GSG1L: variants seen among roughly 807,000 people sequenced by gnomAD.
GSG1L encodes GSG1 like, also known as germ cell-specific gene 1-like protein.
GSG1L carries 24 observed loss-of-function variants against 42.1 expected under a neutral mutation model. The observed-to-expected ratio is 0.57, with a 90% CI of 0.41 to 0.80. GSG1L has a LOEUF of 0.80. GSG1L is among the 30% of genes least tolerant of loss of function. The probability of loss-of-function intolerance (pLI) is 0.00; values close to 1 mark genes in which losing one functional copy is unlikely to be tolerated. For synonymous variants in GSG1L, 215 were observed against 203.5 expected, an observed-to-expected ratio of 1.06 and a Z score of -0.48; for missense variants, 445 against 472.2, an observed-to-expected ratio of 0.94 and a Z score of 0.53.
intron 1 of GSG1L, among the ~76,000 whole-genome samples, chr16:28,038,839 G>A (rs1375052925): frequency 2.6e-5 from 4 of 152,040 alleles, no homozygotes; most frequent in South Asian, 2.1e-4. Context: ...TAATGATCCC[G>A]CTGCACATTT....
In GSG1L at chr16:27,791,368, G is replaced by T; in HGVS notation, c.*2C>A. 1 of 1,412,662 alleles carries T rather than the reference G, an allele frequency of 7.1e-7. No homozygotes were observed. The highest frequency in any genetic ancestry group is 9.3e-7 in the Non-Finnish European group (1 of 1,073,638). The allele number at this position is 1,412,662 out of a possible 1,614,324, so 87.5% of individuals were successfully genotyped here. On this transcript the variant is annotated 3_prime_UTR_variant, in exon 7 of 7. Coordinates refer to ENST00000447459, the MANE Select transcript of GSG1L (RefSeq NM_001109763.2). ...GGTCCGCGGGCCAGGTTGAGGTCTT[G>T]GTCACACCCAGTGCCCCAAGACCCA...
At chr16:28,055,539 T>G (rs919723376) in intron 1 of GSG1L, among the ~76,000 whole-genome samples, 1 of 151,822 alleles carries the variant, frequency 6.6e-6, no homozygotes, top group African/African-American at 2.4e-5. Flanking sequence ...TGGCACGATC[T>G]CAGCTCACTG....
intron 2 of GSG1L, among the ~76,000 whole-genome samples, chr16:27,929,628 G>C (rs1392488264): frequency 3.9e-5 from 6 of 152,172 alleles, no homozygotes; most frequent in Non-Finnish European, 8.8e-5. Flanking sequence ...ATGCCTGAAG[G>C]ATGATTTCAG....
intron 3 of GSG1L, among the ~76,000 whole-genome samples, chr16:27,883,620 T>C (rs1384754094): frequency 6.6e-6 from 1 of 152,212 alleles, no homozygotes; most frequent in African/African-American, 2.4e-5. Context: ...TTCCAATGCG[T>C]GAAGAATAGG....
intron 3 of GSG1L, among the ~76,000 whole-genome samples, chr16:27,852,018 C>T (rs2083520354): frequency 6.6e-6 from 1 of 152,202 alleles, no homozygotes; most frequent in South Asian, 2.1e-4. Flanking sequence ...GGCCTGGCTC[C>T]CTTTGACAGG....
At chr16:27,844,318 T>C (rs772958) in intron 4 of GSG1L, among the ~76,000 whole-genome samples, 50,770 of 151,978 alleles carry the variant, frequency 0.33, 8,771 homozygotes, top group East Asian at 0.45. Context: ...ATGCAAACCC[T>C]GCTTTGAGGT....
chr16:28,051,724 G>T (rs1040244799), intron 1 of GSG1L, among the ~76,000 whole-genome samples: 1 of 152,178 alleles, frequency 6.6e-6, no homozygotes, highest in African/African-American at 2.4e-5. Flanking sequence ...AGGACAGTGG[G>T]GCTGCAGCAT....
At chr16:27,910,232 G>T (rs759368623) in intron 2 of GSG1L, among the ~76,000 whole-genome samples, 1 of 151,452 alleles carries the variant, frequency 6.6e-6, no homozygotes, top group Non-Finnish European at 1.5e-5. Flanking sequence ...CAAAGTGCAG[G>T]ATTACAGGCA....
chr16:28,033,865 A>C (rs537344688), intron 1 of GSG1L, among the ~76,000 whole-genome samples: 12 of 152,360 alleles, frequency 7.9e-5, no homozygotes, highest in African/African-American at 2.6e-4. Context: ...GAGTATATTA[A>C]GAAGAGAAAA....
intron 2 of GSG1L, among the ~76,000 whole-genome samples, chr16:27,887,041 C>A (rs1164789159): frequency 6.6e-6 from 1 of 152,106 alleles, no homozygotes; most frequent in Non-Finnish European, 1.5e-5. Context: ...CAGCAACCTC[C>A]ACCTCCTGGA....
chr16:27,846,956 C>CAAA lies in GSG1L; in HGVS notation c.551-1898_551-1896dup, dbSNP rs5816450. 3.6e-3 allele frequency among the ~76,000 whole-genome samples: 405 copies of CAAA among 113,414 alleles called. 7 individuals carry two copies. The highest frequency in any genetic ancestry group is 0.023 in the East Asian group (86 of 3,778). 74.4% of individuals were successfully genotyped at this position (113,414 alleles called of 152,430 possible). A position where few individuals can be genotyped will look rare whatever the true frequency, so the allele number is the denominator to read the frequency against. ...TGGGTGACAGAGGGAGACTCCGTCT[C>CAAA]AAAAAAAAAAAAAAAAAAATCTGAA... is the stretch of plus-strand genomic sequence containing the variant. On this transcript the variant is annotated intron_variant, in intron 3 of 6. Transcript: ENST00000447459.
intron 4 of GSG1L, among the ~76,000 whole-genome samples, chr16:27,830,384 G>T (rs971325148): frequency 2.0e-5 from 3 of 152,012 alleles, no homozygotes; most frequent in Non-Finnish European, 4.4e-5. Context: ...GGTCAATGAA[G>T]CCCACTGCCT....
chr16:27,971,352 G>A (rs2085191629), intron 1 of GSG1L, among the ~76,000 whole-genome samples: 1 of 151,990 alleles, frequency 6.6e-6, no homozygotes, highest in South Asian at 2.1e-4. Context: ...TCAGAATATA[G>A]GTTTCATGCT....
intron 3 of GSG1L, among the ~76,000 whole-genome samples, chr16:27,852,554 G>T (rs969549416): frequency 7.2e-5 from 11 of 152,082 alleles, no homozygotes; most frequent in Non-Finnish European, 1.6e-4. Flanking sequence ...GGAGGGTGGA[G>T]CAGGCAGGGG....
At chr16:27,832,925 A>G (rs1470917903) in intron 4 of GSG1L, among the ~76,000 whole-genome samples, 3 of 152,138 alleles carry the variant, frequency 2.0e-5, no homozygotes, top group Non-Finnish European at 2.9e-5. Flanking sequence ...TTTCTCATCA[A>G]TCTCTTAATA....
At chr16:27,900,321 G>A (rs1039808106) in intron 2 of GSG1L, among the ~76,000 whole-genome samples, 1 of 152,190 alleles carries the variant, frequency 6.6e-6, no homozygotes, top group Non-Finnish European at 1.5e-5. Flanking sequence ...CTATGCCTTG[G>A]GTGCTATTAC....
At chr16:27,987,904 G>A (rs56353343) in intron 1 of GSG1L, among the ~76,000 whole-genome samples, 3,686 of 128,994 alleles carry the variant, frequency 0.029, 152 homozygotes, top group African/African-American at 0.096. Context: ...CCGAAATCGT[G>A]CCACTGCACT....
At chr16:27,863,018 GTC>G (rs1249892762) in intron 3 of GSG1L, among the ~76,000 whole-genome samples, 1 of 151,590 alleles carries the variant, frequency 6.6e-6, no homozygotes, top group African/African-American at 2.4e-5. Context: ...TCACTTTTTT[GTC>G]TGTTTCTCCA....
intron 1 of GSG1L, among the ~76,000 whole-genome samples, chr16:28,033,422 C>T (rs1331468274): frequency 6.6e-6 from 1 of 152,068 alleles, no homozygotes; most frequent in Non-Finnish European, 1.5e-5. Context: ...AAGTGGGTGA[C>T]TGGGAATGAG....
Sources: gnomAD v4.1 joint callset for allele counts (sites outside exome capture counted in the v4.1 genomes callset) on GRCh38, gnomAD v4.1.1 for gene constraint, MANE v1.5 for transcripts, NCBI Gene and HGNC (gene_info 2026-07-23, HGNC 2026-07-21) for gene names.